The following C4BPA variants were observed in gnomAD, a reference collection of about 807,000 sequenced individuals.
The protein encoded by C4BPA is C4b-binding protein alpha chain.
In C4BPA, 31 loss-of-function variants were observed where a neutral mutation model predicts 63.7. That is an observed-to-expected ratio of 0.49 (90% CI 0.37 to 0.66). The LOEUF (loss-of-function observed/expected upper bound fraction) is 0.66, where lower values mean the gene tolerates loss of function less well. C4BPA is among the 30% of genes least tolerant of loss of function. C4BPA has a pLI of 0.00. For synonymous variants in C4BPA, 259 were observed against 254.7 expected, an observed-to-expected ratio of 1.02 and a Z score of -0.16; for missense variants, 572 against 723.3, an observed-to-expected ratio of 0.79 and a Z score of 2.40.
rs746412562 is a variant in C4BPA at position 207,114,223 on chromosome 1, A to T, written c.266A>T (p.His89Leu). Reference protein sequence around the residue: ...YTCLPGYVRSHSTQTLTCNSD... With the variant: ...YTCLPGYVRSLSTQTLTCNSD... ...TGCCTCCCTGGCTACGTCAGATCCC[A>T]TTCAACTCAGACGCTTACCTGTAAT... Residue 89 changes from histidine to leucine, a missense_variant, in exon 3 of 12, where the codon CAT becomes CTT. His to Leu is a moderately conservative substitution (Grantham distance 99). Around this residue, in one of 2 missense-constraint regions of C4BPA, gnomAD observed 465 missense variants for 629.4 expected, o/e 0.74. Coordinates refer to ENST00000367070, the MANE Select transcript of C4BPA (RefSeq NM_000715.4). 1 of 1,613,780 alleles carries T rather than the reference A, an allele frequency of 6.2e-7. No homozygotes were observed. The highest frequency in any genetic ancestry group is 1.7e-5 in the Admixed American group (1 of 59,990).
intron 1 of C4BPA, among the ~76,000 whole-genome samples, chr1:207,111,279 C>T (rs1289364282): frequency 6.6e-6 from 1 of 152,206 alleles, no homozygotes; most frequent in African/African-American, 2.4e-5. Flanking sequence ...GGTCCTGGCT[C>T]CTCCCAACCT....
intron 4 of C4BPA, among the ~76,000 whole-genome samples, chr1:207,116,288 G>A (rs1684784210): frequency 6.6e-6 from 1 of 152,082 alleles, no homozygotes; most frequent in Non-Finnish European, 1.5e-5. Flanking sequence ...TGTCAGGGAG[G>A]TTAAGTATAG....
At position 207,116,018 on chromosome 1, in the gene C4BPA, T is replaced by C. The variant is rs74519632; in HGVS notation, c.428+503T>C. Among the ~76,000 whole-genome samples, 1,295 of 152,344 alleles carry C rather than the reference T, an allele frequency of 8.5e-3. 19 individuals carry two copies. Among genetic ancestry groups the C allele is most frequent in the African/African-American group, 0.03 (1,230 of 41,578 alleles). On this transcript the variant is annotated intron_variant, in intron 4 of 11. Coordinates refer to ENST00000367070, the MANE Select transcript of C4BPA (RefSeq NM_000715.4). Reference sequence around the variant, plus strand: ...TTGTATGTGTGTCATTTTATACATATGTAGTTACATCTGCAGGATAGCTTC... The same window carrying C: ...TTGTATGTGTGTCATTTTATACATACGTAGTTACATCTGCAGGATAGCTTC...
chr1:207,116,981 T>C (rs1023471818), intron 4 of C4BPA, among the ~76,000 whole-genome samples: 3 of 152,228 alleles, frequency 2.0e-5, no homozygotes, highest in Non-Finnish European at 2.9e-5. Context: ...TACATTTATG[T>C]ATGCGTTTCA....
chr1:207,117,410 C>T (rs906101588), intron 4 of C4BPA, among the ~76,000 whole-genome samples: 1 of 152,120 alleles, frequency 6.6e-6, no homozygotes, highest in Non-Finnish European at 1.5e-5. Flanking sequence ...ATGATAGTGC[C>T]ACTGCACTAC....
intron 4 of C4BPA, among the ~76,000 whole-genome samples, chr1:207,116,725 ACTT>A (rs1684799744): frequency 6.6e-6 from 1 of 151,724 alleles, no homozygotes; most frequent in Non-Finnish European, 1.5e-5. Context: ...TATTTCCTCT[ACTT>A]CTTTTATATT....
chr1:207,105,121 C>A (rs1684531432), intron 1 of C4BPA, among the ~76,000 whole-genome samples: 1 of 152,144 alleles, frequency 6.6e-6, no homozygotes, highest in South Asian at 2.1e-4. Context: ...TTTGCTGATT[C>A]CTATTCTATC....
chr1:207,115,317 C>T, intron 3 of C4BPA, 99 bp from the exon 4 acceptor site: 1 of 639,676 alleles, frequency 1.6e-6, no homozygotes, highest in South Asian at 1.9e-5. Context: ...CTCTGTGTTT[C>T]TGGAAGCAGA....
chr1:207,120,605 TA>T (rs929708855), intron 4 of C4BPA, among the ~76,000 whole-genome samples: 4 of 151,952 alleles, frequency 2.6e-5, no homozygotes, highest in African/African-American at 9.7e-5. Context: ...CTCTAAAGAA[TA>T]AAAAAATTTA....
chr1:207,117,297 A>G (rs535079528), intron 4 of C4BPA, among the ~76,000 whole-genome samples: 1 of 152,108 alleles, frequency 6.6e-6, no homozygotes, highest in African/African-American at 2.4e-5. Context: ...AAGAAATTAA[A>G]AACATTAGCC....
At position 207,144,641 on chromosome 1, in the gene C4BPA, A is replaced by G; in HGVS notation, c.1718A>G (p.Lys573Arg). Residue 573 changes from lysine to arginine, a missense_variant, in exon 12 of 12, where the codon AAG becomes AGG. Transcript: ENST00000367070. ...EDVKMALEVYKLSLEIEQLEL... is the reference protein window; with the variant it reads ...EDVKMALEVYRLSLEIEQLEL... ...GTGAAAATGGCCCTGGAGGTATATAAGCTGTCTCTGGAAATTGAACAACTG... is the reference window on the plus strand; with the variant it reads ...GTGAAAATGGCCCTGGAGGTATATAGGCTGTCTCTGGAAATTGAACAACTG... 6.2e-7 allele frequency: 1 copy of G among 1,613,706 alleles called. No homozygotes were observed. Among genetic ancestry groups the G allele is most frequent in the Non-Finnish European group, 8.5e-7 (1 of 1,179,784 alleles).
chr1:207,114,163 C>A lies in C4BPA; in HGVS notation c.206C>A (p.Thr69Lys). ...CCGATGGATATTACGTTGACTGAGA[C>A]ACGCTTCAAAACTGGAACTACTCTG... ...AAPMDITLTE[T>K]RFKTGTTLKY... The change falls in exon 3 of 12, where the codon ACA (threonine) becomes AAA (lysine). Residue 69 changes from threonine (T) to lysine (K), a missense_variant. This residue lies in a region of C4BPA where 107 missense variants were observed against 93.9 expected (regional missense o/e 1.14). Transcript: ENST00000367070. 1 of 1,613,820 alleles carries A rather than the reference C, an allele frequency of 6.2e-7. No individual in the cohort carries two copies. Among genetic ancestry groups the A allele is most frequent in the Non-Finnish European group, 8.5e-7 (1 of 1,179,812 alleles).
chr1:207,131,117 G>C (rs1235561933), intron 7 of C4BPA, among the ~76,000 whole-genome samples: 1 of 152,150 alleles, frequency 6.6e-6, no homozygotes, highest in African/African-American at 2.4e-5. Flanking sequence ...AAAATGTTTG[G>C]AGCTTGGTTT....
At chr1:207,111,729 A>C (rs1684671340) in intron 1 of C4BPA, among the ~76,000 whole-genome samples, 1 of 152,170 alleles carries the variant, frequency 6.6e-6, no homozygotes, top group Non-Finnish European at 1.5e-5. Flanking sequence ...GGACTGAAAC[A>C]TCTTGGGGAG....
chr1:207,105,581 A>T (rs891451647), intron 1 of C4BPA, among the ~76,000 whole-genome samples: 13 of 151,732 alleles, frequency 8.6e-5, no homozygotes, highest in Admixed American at 5.2e-4. Flanking sequence ...AAAGAAAAAA[A>T]AAAGAGATTC....
At chr1:207,134,646 G>A in intron 9 of C4BPA, 54 bp downstream of exon 9, 2 of 1,277,046 alleles carry the variant, frequency 1.6e-6, no homozygotes, top group Non-Finnish European at 2.2e-6. Flanking sequence ...TCAGTGTGAT[G>A]GAGATTATTA....
intron 6 of C4BPA, among the ~76,000 whole-genome samples, chr1:207,125,847 AT>A (rs1685028139): frequency 6.6e-6 from 1 of 152,246 alleles, no homozygotes; most frequent in African/African-American, 2.4e-5. Context: ...CAGCGGTAGC[AT>A]GGCAGTGGGG....
In C4BPA at chr1:207,144,235, C is replaced by T. The variant is rs114623960; in HGVS notation, c.1620+242C>T. Among the ~76,000 whole-genome samples, 1,277 of 152,186 alleles carry T rather than the reference C, an allele frequency of 8.4e-3. 23 individuals are homozygous for T. The highest frequency in any genetic ancestry group is 0.03 in the African/African-American group (1,227 of 41,498). The stretch of plus-strand genomic sequence containing the variant: ...CCCTTACAGAGCAGGGTTTCATAGA[C>T]CCAGTAGTACTGATTTCTAGCCTAA... On this transcript the variant is annotated intron_variant, in intron 11 of 11. Transcript: ENST00000367070.
At chr1:207,109,385 T>C (rs1684622124) in intron 1 of C4BPA, among the ~76,000 whole-genome samples, 1 of 152,224 alleles carries the variant, frequency 6.6e-6, no homozygotes, top group Non-Finnish European at 1.5e-5. Context: ...TATAATTTCT[T>C]TTGAATGTTT....
Sources: allele counts gnomAD v4.1 joint callset (sites outside exome capture counted in the v4.1 genomes callset), GRCh38; gene constraint gnomAD v4.1.1; regional missense constraint gnomAD v4.1.1; transcripts MANE v1.5; gene names NCBI Gene and HGNC (gene_info 2026-07-23, HGNC 2026-07-21).